PPP6R3: variants seen among roughly 807,000 people sequenced by gnomAD.
PPP6R3 encodes the protein protein phosphatase 6 regulatory subunit 3, also known as serine/threonine-protein phosphatase 6 regulatory subunit 3.
A neutral mutation model predicts 110.7 loss-of-function variants in PPP6R3; 38 were observed. The observed-to-expected ratio is 0.34, with a 90% CI of 0.26 to 0.45. The LOEUF (loss-of-function observed/expected upper bound fraction) is 0.45, where lower values mean the gene tolerates loss of function less well. Ranked by LOEUF, PPP6R3 falls within the 20% of genes least tolerant of loss-of-function variation. The probability of loss-of-function intolerance (pLI) is 1.00; values close to 1 mark genes in which losing one functional copy is unlikely to be tolerated. For synonymous variants in PPP6R3, 369 were observed against 373.5 expected (o/e 0.99, Z 0.14); for missense variants, 870 against 1,062.4 (o/e 0.82, Z 2.52).
At chr11:68,531,677 T>C (rs2099241502) in intron 2 of PPP6R3, among the ~76,000 whole-genome samples, 2 of 152,246 alleles carry the variant, frequency 1.3e-5, no homozygotes, top group African/African-American at 4.8e-5. Flanking sequence ...GATTTCATTG[T>C]TGGATATATT....
At chr11:68,514,982 A>G (rs1454583965) in intron 1 of PPP6R3, 1 of 151,888 alleles carries the variant, frequency 6.6e-6, no homozygotes, top group African/African-American at 2.4e-5. Context: ...ATCTTTTGGG[A>G]TTGTAATTTT....
At chr11:68,481,220 G>C (rs922201953) in intron 1 of PPP6R3, among the ~76,000 whole-genome samples, 2 of 152,178 alleles carry the variant, frequency 1.3e-5, no homozygotes, top group Admixed American at 1.3e-4. Flanking sequence ...AAGAGCCGTG[G>C]AGGGACATAA....
At chr11:68,562,297 C>T (rs2099428213) in intron 8 of PPP6R3, among the ~76,000 whole-genome samples, 1 of 152,124 alleles carries the variant, frequency 6.6e-6, no homozygotes, top group East Asian at 1.9e-4. Flanking sequence ...TCAAAGATGA[C>T]CTACATAAAT....
intron 1 of PPP6R3, among the ~76,000 whole-genome samples, chr11:68,472,269 T>C (rs2098797661): frequency 6.6e-6 from 1 of 152,202 alleles, no homozygotes; most frequent in South Asian, 2.1e-4. Context: ...TTGCCCACAT[T>C]GGTGCGTGTG....
rs149215850 is a variant in PPP6R3, at chr11:68,568,297, C to G, written c.1128+1131C>G. 2.0e-5 allele frequency among the ~76,000 whole-genome samples: 3 copies of G among 152,292 alleles called. No individual in the cohort carries two copies. The East Asian group carries it at 5.8e-4, about 29-fold the overall frequency. The stretch of plus-strand genomic sequence containing the variant: ...TATAACGTTCCTAAGTCATTGATCA[C>G]TGGTCTTTAATTTTACTAATAACAA... On this transcript the variant is annotated intron_variant, in intron 10 of 23. Coordinates refer to ENST00000393800, the MANE Select transcript of PPP6R3 (RefSeq NM_001164161.2).
chr11:68,519,066 C>G (rs1202696902), intron 1 of PPP6R3, among the ~76,000 whole-genome samples: 1 of 152,202 alleles, frequency 6.6e-6, no homozygotes, highest in African/African-American at 2.4e-5. Flanking sequence ...TCTACTCACG[C>G]TTCCTGATAA....
chr11:68,528,553 A>G (rs1220026297), intron 2 of PPP6R3, among the ~76,000 whole-genome samples: 1 of 152,066 alleles, frequency 6.6e-6, no homozygotes, highest in African/African-American at 2.4e-5. Context: ...AGCTGCTTTT[A>G]AAGACCAGCT....
chr11:68,556,019 T>C (rs1217444026), intron 7 of PPP6R3, among the ~76,000 whole-genome samples: 1 of 152,238 alleles, frequency 6.6e-6, no homozygotes, highest in East Asian at 1.9e-4. Context: ...TAATAGCATC[T>C]GTATATATTT....
chr11:68,547,991 G>A lies in PPP6R3; in HGVS notation c.415-76G>A, dbSNP rs546007524. ...AGTAGTGGTAGAATTTGGAGGAGTC[G>A]GGGTTGGGACTTAAAAGGTAAAGTT... On this transcript the variant is annotated intron_variant, in intron 4 of 23. Transcript: ENST00000393800. 76 of 1,415,138 alleles carry A rather than the reference G, an allele frequency of 5.4e-5. No individual in the cohort carries two copies. The African/African-American group carries it at 1.0e-3, about 19-fold the overall frequency. 87.7% of individuals were successfully genotyped at this position (1,415,138 alleles called of 1,614,324 possible).
At chr11:68,511,874 C>T (rs1282307191) in intron 1 of PPP6R3, among the ~76,000 whole-genome samples, 1 of 152,110 alleles carries the variant, frequency 6.6e-6, no homozygotes, top group Non-Finnish European at 1.5e-5. Flanking sequence ...GATCTTCCCT[C>T]ATCTTTATCC....
chr11:68,549,296 T>G (rs1262969695), intron 5 of PPP6R3, among the ~76,000 whole-genome samples: 1 of 152,218 alleles, frequency 6.6e-6, no homozygotes, highest in East Asian at 1.9e-4. Context: ...TCTTTGGAAA[T>G]GAGTTTTGTT....
At chr11:68,473,228 A>G (rs916772578) in intron 1 of PPP6R3, among the ~76,000 whole-genome samples, 1 of 152,190 alleles carries the variant, frequency 6.6e-6, no homozygotes, top group African/African-American at 2.4e-5. Context: ...CTTCAGTGAG[A>G]GGAGATTTGC....
intron 3 of PPP6R3, among the ~76,000 whole-genome samples, chr11:68,544,120 C>A (rs569186164): frequency 1.3e-5 from 2 of 152,288 alleles, no homozygotes; most frequent in African/African-American, 4.8e-5. Flanking sequence ...GGTTTTGACA[C>A]AAGGTCTCAC....
chr11:68,607,697 A>G (rs935634818), intron 22 of PPP6R3, among the ~76,000 whole-genome samples: 6 of 152,110 alleles, frequency 3.9e-5, no homozygotes, highest in Admixed American at 2.0e-4. Flanking sequence ...TTCTGTATCT[A>G]TCTCATCTGT....
chr11:68,472,225 A>G (rs1223568775), intron 1 of PPP6R3, among the ~76,000 whole-genome samples: 1 of 152,126 alleles, frequency 6.6e-6, no homozygotes. Flanking sequence ...CGTGGTGGTA[A>G]AGCCGGGAAG....
chr11:68,565,133 G>A (rs549837092), intron 9 of PPP6R3, among the ~76,000 whole-genome samples: 3 of 150,938 alleles, frequency 2.0e-5, no homozygotes, highest in African/African-American at 4.9e-5. Flanking sequence ...GGTGTATCTC[G>A]GTGGTTATCT....
At chr11:68,472,825 A>G (rs2098801723) in intron 1 of PPP6R3, among the ~76,000 whole-genome samples, 1 of 152,164 alleles carries the variant, frequency 6.6e-6, no homozygotes, top group Non-Finnish European at 1.5e-5. Flanking sequence ...TTGCTTATTA[A>G]TAGAATCATA....
chr11:68,609,794 G>A (rs1266486247), intron 22 of PPP6R3, 110 bp from the exon 23 acceptor site: 1 of 1,572,016 alleles, frequency 6.4e-7, no homozygotes, highest in Non-Finnish European at 8.7e-7. Flanking sequence ...AGGATGCTTT[G>A]CCTCCGCGGC....
chr11:68,461,173 C>G (rs2098702757), intron 1 of PPP6R3, among the ~76,000 whole-genome samples: 1 of 150,968 alleles, frequency 6.6e-6, no homozygotes, highest in African/African-American at 2.4e-5. Flanking sequence ...CCAGCCTTCC[C>G]GCCCGCCGGC....
Sources: gnomAD v4.1 joint callset for allele counts (sites outside exome capture counted in the v4.1 genomes callset) on GRCh38, gnomAD v4.1.1 for gene constraint, MANE v1.5 for transcripts, NCBI Gene and HGNC (gene_info 2026-07-23, HGNC 2026-07-21) for gene names.